SCFD2: variants seen among roughly 807,000 people sequenced by gnomAD.
SCFD2 encodes sec1 family domain containing 2, also known as sec1 family domain-containing protein 2.
In SCFD2, 54 loss-of-function variants were observed where a neutral mutation model predicts 58.9. The observed-to-expected ratio is 0.92, with a 90% CI of 0.74 to 1.15. The LOEUF (loss-of-function observed/expected upper bound fraction) is 1.15, where lower values mean the gene tolerates loss of function less well. Ranked by LOEUF, SCFD2 falls within the 50% of genes most tolerant of loss-of-function variation. The probability of loss-of-function intolerance (pLI) is 0.00; values close to 1 mark genes in which losing one functional copy is unlikely to be tolerated. For synonymous variants in SCFD2, 321 were observed against 335.9 expected (o/e 0.96, Z 0.49); for missense variants, 805 against 836.6 (o/e 0.96, Z 0.47).
At chr4:53,126,164 C>A (rs542898972) in intron 5 of SCFD2, among the ~76,000 whole-genome samples, 1 of 152,312 alleles carries the variant, frequency 6.6e-6, no homozygotes, top group East Asian at 1.9e-4. Flanking sequence ...TCCATGGCAA[C>A]ACACACCTTG....
intron 4 of SCFD2, among the ~76,000 whole-genome samples, chr4:53,163,705 G>T (rs528788560): frequency 1.3e-5 from 2 of 152,208 alleles, no homozygotes; most frequent in African/African-American, 4.8e-5. Flanking sequence ...ACTCCAGCCT[G>T]GGTAACAGAG....
intron 5 of SCFD2, among the ~76,000 whole-genome samples, chr4:53,025,865 T>C (rs571160935): frequency 6.2e-4 from 94 of 152,332 alleles, no homozygotes; most frequent in African/African-American, 2.2e-3. Flanking sequence ...CTCTGTTAAA[T>C]ACATGTATAA....
intron 5 of SCFD2, among the ~76,000 whole-genome samples, chr4:53,039,658 C>A (rs1424748913): frequency 6.6e-6 from 1 of 152,120 alleles, no homozygotes; most frequent in Non-Finnish European, 1.5e-5. Context: ...ATCACAGTAG[C>A]CTTAGTATAG....
At chr4:53,291,423 A>G (rs1731835843) in intron 3 of SCFD2, among the ~76,000 whole-genome samples, 1 of 151,982 alleles carries the variant, frequency 6.6e-6, no homozygotes, top group Non-Finnish European at 1.5e-5. Flanking sequence ...TAACAAGGGA[A>G]GTGAAGGACC....
chr4:52,885,925 C>G (rs1718730201), intron 7 of SCFD2, 59 bp from the exon 8 acceptor site: 4 of 1,601,072 alleles, frequency 2.5e-6, no homozygotes, highest in East Asian at 2.2e-5. Context: ...CACAATGCAG[C>G]TGGGTACCAT....
chr4:53,043,558 G>T (rs1196001815), intron 5 of SCFD2, among the ~76,000 whole-genome samples: 2 of 152,140 alleles, frequency 1.3e-5, no homozygotes, highest in Non-Finnish European at 2.9e-5. Context: ...CTAGATAATT[G>T]TAACAAAACA....
intron 5 of SCFD2, among the ~76,000 whole-genome samples, chr4:53,134,601 C>T (rs189945822): frequency 2.6e-4 from 39 of 152,270 alleles, no homozygotes; most frequent in Admixed American, 2.3e-3. Context: ...TATTCCAATT[C>T]GAGTAACAGG....
intron 5 of SCFD2, among the ~76,000 whole-genome samples, chr4:53,095,453 A>T (rs1724594317): frequency 6.6e-6 from 1 of 152,130 alleles, no homozygotes; most frequent in Non-Finnish European, 1.5e-5. Flanking sequence ...CTCCTTCACC[A>T]CTACCATCCT....
At chr4:53,184,566 T>C (rs909480588) in intron 4 of SCFD2, among the ~76,000 whole-genome samples, 3 of 152,150 alleles carry the variant, frequency 2.0e-5, no homozygotes, top group African/African-American at 7.2e-5. Flanking sequence ...ATCTTGCTTA[T>C]ATCTACTGTA....
intron 5 of SCFD2, among the ~76,000 whole-genome samples, chr4:53,012,836 G>GT (rs3987774): frequency 0.013 from 1,872 of 145,098 alleles, 42 homozygotes; most frequent in African/African-American, 0.043. Context: ...GTGTGTGTGT[G>GT]TTTTTTTTTA....
At chr4:53,275,006 CTTG>C (rs1305654685) in intron 3 of SCFD2, among the ~76,000 whole-genome samples, 1 of 152,186 alleles carries the variant, frequency 6.6e-6, no homozygotes, top group Non-Finnish European at 1.5e-5. Flanking sequence ...AAGTTATTTG[CTTG>C]TTAAGTATTT....
intron 4 of SCFD2, among the ~76,000 whole-genome samples, chr4:53,227,763 A>G (rs1302735166): frequency 6.6e-6 from 1 of 152,202 alleles, no homozygotes; most frequent in Non-Finnish European, 1.5e-5. Flanking sequence ...TTTATTCATA[A>G]AACAAAAATA....
intron 5 of SCFD2, among the ~76,000 whole-genome samples, chr4:52,988,342 G>A (rs905330039): frequency 6.6e-6 from 1 of 152,178 alleles, no homozygotes; most frequent in Non-Finnish European, 1.5e-5. Flanking sequence ...GGTAGGGGAA[G>A]AACTGGATCC....
At chr4:52,893,237 T>C (rs1458454354) in intron 7 of SCFD2, among the ~76,000 whole-genome samples, 1 of 151,380 alleles carries the variant, frequency 6.6e-6, no homozygotes, top group Non-Finnish European at 1.5e-5. Context: ...CCCTTCTTTC[T>C]CTCTCTCTCT....
At chr4:53,169,253 A>G (rs1428041501) in intron 4 of SCFD2, among the ~76,000 whole-genome samples, 1 of 152,058 alleles carries the variant, frequency 6.6e-6, no homozygotes, top group East Asian at 1.9e-4. Flanking sequence ...AATCCCAGCT[A>G]CTCGGGAGGC....
At chr4:53,278,493 C>T (rs188650757) in intron 3 of SCFD2, among the ~76,000 whole-genome samples, 2 of 151,420 alleles carry the variant, frequency 1.3e-5, no homozygotes, top group African/African-American at 4.8e-5. Context: ...CGTGCCACTG[C>T]ACTCCAGCCT....
intron 4 of SCFD2, among the ~76,000 whole-genome samples, chr4:53,268,313 G>A (rs1185893313): frequency 2.0e-5 from 3 of 152,138 alleles, no homozygotes; most frequent in Non-Finnish European, 2.9e-5. Context: ...ATCACAACCT[G>A]AGCAAGATAA....
Position 53,365,937 on chromosome 4 carries a change from C to T in SCFD2, c.5G>A (p.Ser2Asn). 1 of 1,529,192 alleles carries T rather than the reference C, an allele frequency of 6.5e-7. No individual in the cohort carries two copies. The highest frequency in any genetic ancestry group is 8.8e-7 in the Non-Finnish European group (1 of 1,142,832). The allele number at this position is 1,529,192 out of a possible 1,614,324, so 94.7% of individuals were successfully genotyped here. A position where few individuals can be genotyped will look rare whatever the true frequency, so the allele number is the denominator to read the frequency against. The change falls in exon 1 of 9, where the codon AGC (serine) becomes AAC (asparagine). Residue 2 changes from serine to asparagine, a missense_variant. By Grantham distance (46) the Ser-to-Asn change is conservative. Transcript: ENST00000401642. The surrounding 1 kb of genome is among the most constrained non-coding windows in gnomAD (Gnocchi z 4.3). MSASGVLSFTQQ... is the reference protein window; with the variant it reads MNASGVLSFTQQ... ...GGTAAAGGACAGTACGCCCGAGGCG[C>T]TCATGGTTGGGGATTCGCAGACTTG...
intron 4 of SCFD2, among the ~76,000 whole-genome samples, chr4:53,190,247 A>C (rs781694206): frequency 6.6e-6 from 1 of 152,116 alleles, no homozygotes; most frequent in Non-Finnish European, 1.5e-5. Context: ...ACAGCTCTGA[A>C]ACTGTAGCAT....
Sources: allele counts gnomAD v4.1 joint callset (sites outside exome capture counted in the v4.1 genomes callset), GRCh38; gene constraint gnomAD v4.1.1; non-coding constraint Gnocchi (gnomAD v3.1); transcripts MANE v1.5; gene names NCBI Gene and HGNC (gene_info 2026-07-23, HGNC 2026-07-21).